NDST3: variants seen among roughly 807,000 people sequenced by gnomAD.
The protein encoded by NDST3 is N-deacetylase and N-sulfotransferase 3, also known as bifunctional heparan sulfate N-deacetylase/N-sulfotransferase 3.
NDST3 carries 58 observed loss-of-function variants against 96.1 expected under a neutral mutation model. The ratio of observed to expected loss-of-function variants is 0.60; its 90% CI spans 0.49 to 0.75. The LOEUF (loss-of-function observed/expected upper bound fraction) is 0.75. NDST3 is among the 30% of genes least tolerant of loss of function. NDST3 has a pLI of 0.00. For missense variants in NDST3, 788 were observed against 1,034.2 expected, an observed-to-expected ratio of 0.76 and a Z score of 3.27; for synonymous variants, 333 against 359.7, an observed-to-expected ratio of 0.93 and a Z score of 0.84.
At chr4:118,222,417 A>C (rs900490063) in intron 6 of NDST3, among the ~76,000 whole-genome samples, 1 of 151,990 alleles carries the variant, frequency 6.6e-6, no homozygotes, top group Admixed American at 6.6e-5. Flanking sequence ...AAAGTTCAAA[A>C]AGAAATTGAA....
intron 6 of NDST3, among the ~76,000 whole-genome samples, chr4:118,149,457 A>C (rs1190704475): frequency 2.1e-5 from 3 of 144,526 alleles, no homozygotes; most frequent in Non-Finnish European, 4.6e-5. Context: ...GTTCTCCTTG[A>C]AGAGGTCCTT....
chr4:118,229,158 A>T (rs1338753774), intron 8 of NDST3, among the ~76,000 whole-genome samples: 1 of 152,134 alleles, frequency 6.6e-6, no homozygotes. Flanking sequence ...AAAACTAGCC[A>T]GGCGTGGTGG....
intron 2 of NDST3, among the ~76,000 whole-genome samples, chr4:118,063,381 CT>C (rs1726056832): frequency 6.6e-6 from 1 of 151,998 alleles, no homozygotes. Context: ...TGCACATTTA[CT>C]TTGTTAAAAT....
At chr4:118,090,975 C>T (rs567849937) in intron 2 of NDST3, among the ~76,000 whole-genome samples, 2 of 151,488 alleles carry the variant, frequency 1.3e-5, no homozygotes, top group South Asian at 4.2e-4. Flanking sequence ...CGTTTTATGC[C>T]TTAACTGGTG....
chr4:118,251,125 A>ATTTT (rs370800744), intron 12 of NDST3, among the ~76,000 whole-genome samples: 25 of 111,706 alleles, frequency 2.2e-4, no homozygotes, highest in South Asian at 5.9e-4. Context: ...TATTATTTTT[A>ATTTT]TTTTATTTTT....
intron 6 of NDST3, among the ~76,000 whole-genome samples, chr4:118,203,589 G>T (rs1738238607): frequency 6.6e-6 from 1 of 152,218 alleles, no homozygotes; most frequent in East Asian, 1.9e-4. Flanking sequence ...TTTCTAATTT[G>T]TGTGCATAGG....
chr4:118,119,277 T>C (rs1731357415), intron 4 of NDST3, among the ~76,000 whole-genome samples: 1 of 152,216 alleles, frequency 6.6e-6, no homozygotes, highest in Non-Finnish European at 1.5e-5. Flanking sequence ...GAAATAAAGA[T>C]TATAGTATCA....
intron 8 of NDST3, among the ~76,000 whole-genome samples, chr4:118,230,418 AC>A (rs1740195664): frequency 1.3e-5 from 2 of 152,194 alleles, no homozygotes; most frequent in African/African-American, 4.8e-5. Flanking sequence ...CACTAAAAAT[AC>A]AAAAATTTAG....
intron 2 of NDST3, among the ~76,000 whole-genome samples, chr4:118,069,601 T>C (rs1726880362): frequency 6.6e-6 from 1 of 152,026 alleles, no homozygotes; most frequent in Non-Finnish European, 1.5e-5. Context: ...CAAAAAGCAA[T>C]TCTCTCCTCA....
rs1740415201 is a variant in NDST3, at chr4:118,233,074, C to A, written c.1882C>A (p.Pro628Thr). Residue 628 changes from proline (P) to threonine (T), a missense_variant, in exon 9 of 14, where the codon CCA becomes ACA. Physicochemically the swap from Pro to Thr is conservative, Grantham distance 38. Transcript: ENST00000296499. ...HPSILSNSPS[P>T]KTFEEVQFFN... Reference sequence around the variant, plus strand: ...TTCCATCCTTAGTAACTCCCCCAGCCCAAAAACCTTTGAGGAGGTACAGTT... The same window carrying A: ...TTCCATCCTTAGTAACTCCCCCAGCACAAAAACCTTTGAGGAGGTACAGTT... The A allele has an allele frequency of 1.2e-6, 2 of 1,612,622 alleles. No homozygotes were observed. Among genetic ancestry groups the A allele is most frequent in the Non-Finnish European group, 1.7e-6 (2 of 1,178,914 alleles).
chr4:118,152,868 G>A (rs1734490453), intron 6 of NDST3, among the ~76,000 whole-genome samples: 1 of 152,162 alleles, frequency 6.6e-6, no homozygotes, highest in Non-Finnish European at 1.5e-5. Context: ...CTCGTCCGCT[G>A]GATTCTCAGG....
At chr4:118,044,344 C>G (rs1409090993) in intron 1 of NDST3, among the ~76,000 whole-genome samples, 1 of 152,206 alleles carries the variant, frequency 6.6e-6, no homozygotes, top group African/African-American at 2.4e-5. Flanking sequence ...AATGAAAACT[C>G]TGTTGTCCAG....
intron 6 of NDST3, among the ~76,000 whole-genome samples, chr4:118,179,922 G>A (rs1174559703): frequency 6.6e-6 from 1 of 151,970 alleles, no homozygotes; most frequent in Non-Finnish European, 1.5e-5. Context: ...TCATCCTACA[G>A]CTCTACTTTA....
rs1224356561 is a variant in NDST3 at position 118,184,598 on chromosome 4, T to TA, written c.1540-39893_1540-39892insA. Among the ~76,000 whole-genome samples the TA allele has an allele frequency of 4.0e-5, 4 of 101,168 alleles. No individual in the cohort carries two copies. In the Admixed American group the frequency reaches 4.1e-4, roughly 10 times the overall value. 66.4% of individuals were successfully genotyped at this position (101,168 alleles called of 152,430 possible). A position where few individuals can be genotyped will look rare whatever the true frequency, so the allele number is the denominator to read the frequency against. On this transcript the variant is annotated intron_variant, in intron 6 of 13. Transcript: ENST00000296499. Reference sequence around the variant, plus strand: ...CTGTCTCCCTTTGTCTCTCTCTCTCTCTCTACACACACACACACACACACA... The same window carrying TA: ...CTGTCTCCCTTTGTCTCTCTCTCTCTACTCTACACACACACACACACACACA...
At chr4:118,086,735 C>A (rs181628982) in intron 2 of NDST3, among the ~76,000 whole-genome samples, 1 of 152,086 alleles carries the variant, frequency 6.6e-6, no homozygotes, top group East Asian at 1.9e-4. Flanking sequence ...ATGCTTTCAT[C>A]GGTTTGGGTA....
chr4:118,254,871 T>C (rs1686713122), intron 13 of NDST3, among the ~76,000 whole-genome samples: 1 of 152,140 alleles, frequency 6.6e-6, no homozygotes, highest in Admixed American at 6.5e-5. Flanking sequence ...AATTAAATCA[T>C]ATACGGAAGA....
intron 8 of NDST3, 148 bp from the exon 9 acceptor site, chr4:118,232,864 C>A: frequency 1.2e-6 from 1 of 817,304 alleles, no homozygotes; most frequent in Non-Finnish European, 1.9e-6. Flanking sequence ...TTCTATTAAA[C>A]TGCCGATTAT....
At chr4:118,236,572 A>C (rs1361478109) in intron 9 of NDST3, among the ~76,000 whole-genome samples, 1 of 152,232 alleles carries the variant, frequency 6.6e-6, no homozygotes, top group Non-Finnish European at 1.5e-5. Flanking sequence ...TAAACGTAAC[A>C]CCGGCACAAT....
At chr4:118,110,617 A>G (rs915169474) in intron 3 of NDST3, among the ~76,000 whole-genome samples, 5 of 152,208 alleles carry the variant, frequency 3.3e-5, no homozygotes, top group African/African-American at 1.2e-4. Flanking sequence ...TACTACAGAT[A>G]AAATAGTGTA....
Sources: gnomAD v4.1 joint callset for allele counts (sites outside exome capture counted in the v4.1 genomes callset) on GRCh38, gnomAD v4.1.1 for gene constraint, MANE v1.5 for transcripts, NCBI Gene and HGNC (gene_info 2026-07-23, HGNC 2026-07-21) for gene names.